The following DCAF4 variants were observed in gnomAD, a reference collection of about 807,000 sequenced individuals.
DCAF4 encodes DDB1 and CUL4 associated factor 4.
In DCAF4, 37 loss-of-function variants were observed where a neutral mutation model predicts 60.9. That is an observed-to-expected ratio of 0.61 (90% CI 0.47 to 0.80). The LOEUF (loss-of-function observed/expected upper bound fraction) is 0.80. Among genes scored for constraint, DCAF4 ranks in the 30% least tolerant of loss-of-function variants. The pLI, the probability that DCAF4 is intolerant of heterozygous loss-of-function variation, is 0.00. For missense variants in DCAF4, 577 were observed against 650.0 expected, an observed-to-expected ratio of 0.89 and a Z score of 1.22; for synonymous variants, 243 against 254.8, an observed-to-expected ratio of 0.95 and a Z score of 0.44.
At chr14:72,953,490 G>T (rs1203335387) in intron 9 of DCAF4, among the ~76,000 whole-genome samples, 1 of 151,156 alleles carries the variant, frequency 6.6e-6, no homozygotes, top group African/African-American at 2.4e-5. Context: ...CAGGATAATC[G>T]TTTGAGCCCA....
In DCAF4 at chr14:72,951,864, C is replaced by CT; in HGVS notation, c.795_796insT (p.Asn266Ter). ...CCCTGCTCCCAGCATCACTGTTCGT[C>CT]AATAGTCACCCAGGTACAGGGTTCT... is the stretch of plus-strand genomic sequence containing the variant. On this transcript the variant is annotated frameshift_variant, in exon 9 of 14. Transcript: ENST00000358377. LOFTEE classifies it high-confidence loss of function. 1 of 1,614,112 alleles carries CT rather than the reference C, an allele frequency of 6.2e-7. No homozygotes were observed. Among genetic ancestry groups the CT allele is most frequent in the Non-Finnish European group, 8.5e-7 (1 of 1,180,010 alleles).
At chr14:72,936,475 A>G (rs985891292) in intron 1 of DCAF4, among the ~76,000 whole-genome samples, 2 of 151,976 alleles carry the variant, frequency 1.3e-5, no homozygotes, top group African/African-American at 4.8e-5. Context: ...GAGGCAGGAG[A>G]ATCGCTTGAA....
chr14:72,961,740 G>A (rs1892830823), downstream of DCAF4: 5 of 775,372 alleles, frequency 6.4e-6, no homozygotes, highest in Non-Finnish European at 7.9e-6. Context: ...CTGTGGGCAT[G>A]GGGAATGCAG....
intron 6 of DCAF4, 30 bp from the exon 7 acceptor site, chr14:72,945,854 C>T (rs565758532): frequency 1.2e-5 from 19 of 1,613,578 alleles, no homozygotes; most frequent in Admixed American, 1.0e-4. Flanking sequence ...CAGCCTGGGA[C>T]GTCACCCACT....
At chr14:72,933,589 C>G (rs150351675) in intron 1 of DCAF4, among the ~76,000 whole-genome samples, 238 of 151,554 alleles carry the variant, frequency 1.6e-3, no homozygotes, top group African/African-American at 5.4e-3. Context: ...CTAATTCTCA[C>G]TGTATACCAT....
At chr14:72,951,948 AGAAGTATGGGGCCG>A (rs1891476371) in intron 9 of DCAF4, 71 bp downstream of exon 9, 2 of 1,537,454 alleles carry the variant, frequency 1.3e-6, no homozygotes, top group South Asian at 2.2e-5. Context: ...TGGCTTAGAG[AGAAGTATGGGGCCG>A]CTGCAGAGGC....
At chr14:72,937,062 G>A in intron 1 of DCAF4, among the ~76,000 whole-genome samples, 1 of 152,222 alleles carries the variant, frequency 6.6e-6, no homozygotes, top group East Asian at 1.9e-4. Context: ...ACTGCAGTGG[G>A]TTGAGGAATA....
chr14:72,947,598 G>A (rs1460442374), intron 8 of DCAF4, among the ~76,000 whole-genome samples: 1 of 152,214 alleles, frequency 6.6e-6, no homozygotes, highest in Non-Finnish European at 1.5e-5. Context: ...TGGTGTGGTA[G>A]CAGAGGAACA....
At chr14:72,930,236 G>A (rs1311977418) in intron 1 of DCAF4, among the ~76,000 whole-genome samples, 1 of 142,792 alleles carries the variant, frequency 7.0e-6, no homozygotes, top group Admixed American at 6.9e-5. Context: ...GGCTATTTGT[G>A]TAGCTTTTTC....
In DCAF4 at chr14:72,951,171, A is replaced by G. The variant is rs1004240532; in HGVS notation, c.729-627A>G. Among the ~76,000 whole-genome samples the G allele has an allele frequency of 5.3e-5, 8 of 152,018 alleles. No individual in the cohort carries two copies. In the South Asian group the frequency reaches 8.3e-4, roughly 16 times the overall value. On this transcript the variant is annotated intron_variant, in intron 8 of 13. Transcript: ENST00000358377. ...AGTTTTTGTATTTTTTGTAGAGACAAGGTTTTGCTGTGTTTCCCAGGCTGG... is the reference window on the plus strand; with the variant it reads ...AGTTTTTGTATTTTTTGTAGAGACAGGGTTTTGCTGTGTTTCCCAGGCTGG...
chr14:72,929,378 G>A (rs1888193810), intron 1 of DCAF4, among the ~76,000 whole-genome samples: 1 of 152,108 alleles, frequency 6.6e-6, no homozygotes. Flanking sequence ...ATACACATAC[G>A]CTGGGCACAT....
At chr14:72,928,954 C>T (rs1317237314) in intron 1 of DCAF4, among the ~76,000 whole-genome samples, 1 of 143,600 alleles carries the variant, frequency 7.0e-6, no homozygotes, top group Non-Finnish European at 1.5e-5. Flanking sequence ...GACCGACCCC[C>T]TGTGCTGTCA....
chr14:72,928,187 C>CTTTTTTTTTTTTTTTTG (rs1887910889), intron 1 of DCAF4, among the ~76,000 whole-genome samples: 1 of 67,256 alleles, frequency 1.5e-5, no homozygotes. Flanking sequence ...AATCCCCCCA[C>CTTTTTTTTTTTTTTTTG]TTTTTTTTTT....
chr14:72,935,681 G>A (rs541619516), intron 1 of DCAF4, among the ~76,000 whole-genome samples: 9 of 152,326 alleles, frequency 5.9e-5, no homozygotes, highest in South Asian at 2.1e-4. Flanking sequence ...ATTGGCATTC[G>A]CCAGTGATTT....
chr14:72,926,903 G>A (rs981882950), intron 1 of DCAF4: 2 of 152,566 alleles, frequency 1.3e-5, no homozygotes, highest in African/African-American at 4.8e-5. Context: ...TGCGGGCCTT[G>A]GGGCGGTGTC....
At chr14:72,944,102 G>A (rs963491423) in intron 6 of DCAF4, among the ~76,000 whole-genome samples, 1 of 152,174 alleles carries the variant, frequency 6.6e-6, no homozygotes, top group Admixed American at 6.5e-5. Context: ...GGTCATTGGT[G>A]TGTGGGGTCT....
At chr14:72,930,577 T>G (rs1245296466) in intron 1 of DCAF4, among the ~76,000 whole-genome samples, 1 of 152,200 alleles carries the variant, frequency 6.6e-6, no homozygotes, top group Non-Finnish European at 1.5e-5. Context: ...CCCTAAATAA[T>G]GTCTTTCGAT....
chr14:72,929,514 A>G, intron 1 of DCAF4: 1 of 704,838 alleles, frequency 1.4e-6, no homozygotes, highest in East Asian at 2.7e-5. Context: ...CTGGGCGGCA[A>G]CAAAGCGAGA....
In DCAF4 at chr14:72,941,780, A is replaced by G; in HGVS notation, c.387A>G (p.Leu129=). Residue 129 remains leucine (L), a synonymous_variant, in exon 5 of 14, where the codon CTA becomes CTG. Coordinates refer to ENST00000358377, the MANE Select transcript of DCAF4 (RefSeq NM_015604.4). ...ARMGFNASSM[L]RKSQLGFLNV... is the part of the protein sequence containing the mutation. ...TGGGATTTAATGCATCTTCCATGCT[A>G]CGAAAAAGCCAGCTGGGTTTTCTCA... The G allele has an allele frequency of 1.2e-6, 2 of 1,614,214 alleles. No individual in the cohort carries two copies. Among genetic ancestry groups the G allele is most frequent in the Non-Finnish European group, 1.7e-6 (2 of 1,180,028 alleles).
Sources: gnomAD v4.1 joint callset for allele counts (sites outside exome capture counted in the v4.1 genomes callset) on GRCh38, gnomAD v4.1.1 for gene constraint, MANE v1.5 for transcripts, NCBI Gene and HGNC (gene_info 2026-07-23, HGNC 2026-07-21) for gene names.